The following CFAP299 variants were observed in gnomAD, a reference collection of about 807,000 sequenced individuals.
CFAP299 encodes the protein cilia and flagella associated protein 299, also known as cilia- and flagella-associated protein 299.
A neutral mutation model predicts 27.0 loss-of-function variants in CFAP299; 21 were observed. The observed-to-expected ratio is 0.78, with a 90% CI of 0.55 to 1.12. The LOEUF (loss-of-function observed/expected upper bound fraction) is 1.12, where lower values mean the gene tolerates loss of function less well. CFAP299 is among the 50% of genes most tolerant of loss of function. CFAP299 has a pLI of 0.00. For synonymous variants in CFAP299, 104 were observed against 98.1 expected, an observed-to-expected ratio of 1.06 and a Z score of -0.36; for missense variants, 310 against 276.6, an observed-to-expected ratio of 1.12 and a Z score of -0.86.
intron 3 of CFAP299, among the ~76,000 whole-genome samples, chr4:80,665,443 G>C (rs950982138): frequency 6.6e-6 from 1 of 151,600 alleles, no homozygotes; most frequent in Non-Finnish European, 1.5e-5. Context: ...CTTTTCATTA[G>C]TTTTCACTTT....
chr4:80,466,602 C>G (rs543142806), intron 2 of CFAP299, among the ~76,000 whole-genome samples: 1 of 152,252 alleles, frequency 6.6e-6, no homozygotes, highest in South Asian at 2.1e-4. Context: ...GCCATGGAAG[C>G]CTTCCACACT....
chr4:80,664,951 G>A (rs1159598748), intron 3 of CFAP299, among the ~76,000 whole-genome samples: 1 of 152,132 alleles, frequency 6.6e-6, no homozygotes, highest in African/African-American at 2.4e-5. Flanking sequence ...TCATGGCATG[G>A]TCCCTCGCAG....
intron 1 of CFAP299, among the ~76,000 whole-genome samples, chr4:80,352,746 A>G (rs371476614): frequency 4.6e-5 from 7 of 152,074 alleles, no homozygotes; most frequent in African/African-American, 1.7e-4. Flanking sequence ...TAAAACTAGA[A>G]ATCAACTATA....
At chr4:80,693,455 C>A (rs1720875886) in intron 3 of CFAP299, among the ~76,000 whole-genome samples, 1 of 149,786 alleles carries the variant, frequency 6.7e-6, no homozygotes, top group Non-Finnish European at 1.5e-5. Flanking sequence ...GAACAAAAAA[C>A]CAAACACCGC....
At chr4:80,741,321 T>A (rs997988985) in intron 3 of CFAP299, among the ~76,000 whole-genome samples, 4 of 152,162 alleles carry the variant, frequency 2.6e-5, no homozygotes, top group Non-Finnish European at 5.9e-5. Context: ...TGATCTCAGC[T>A]CACTGCAACC....
At chr4:80,857,169 G>C (rs542478457) in intron 3 of CFAP299, among the ~76,000 whole-genome samples, 1 of 152,142 alleles carries the variant, frequency 6.6e-6, no homozygotes, top group African/African-American at 2.4e-5. Flanking sequence ...TGAAGCAATT[G>C]TGAATGGGAG....
chr4:80,684,027 A>G (rs1720014169), intron 3 of CFAP299, among the ~76,000 whole-genome samples: 1 of 152,176 alleles, frequency 6.6e-6, no homozygotes, highest in Admixed American at 6.5e-5. Context: ...TTAAAATTGT[A>G]CTTTCTAAAC....
intron 5 of CFAP299, among the ~76,000 whole-genome samples, chr4:80,950,048 A>T (rs917539820): frequency 1.3e-5 from 2 of 152,164 alleles, no homozygotes; most frequent in Admixed American, 6.5e-5. Flanking sequence ...CAACTACCAG[A>T]TCATTCAGGT....
At chr4:80,624,959 C>T (rs1378349180) in intron 3 of CFAP299, among the ~76,000 whole-genome samples, 2 of 151,972 alleles carry the variant, frequency 1.3e-5, no homozygotes, top group Non-Finnish European at 2.9e-5. Flanking sequence ...AGTTCATCAC[C>T]ACCAGACTTG....
intron 2 of CFAP299, among the ~76,000 whole-genome samples, chr4:80,465,778 G>C (rs966243866): frequency 5.3e-5 from 8 of 152,180 alleles, no homozygotes; most frequent in Non-Finnish European, 1.2e-4. Context: ...ACATTTTGGA[G>C]CTTGTCCTCA....
intron 2 of CFAP299, among the ~76,000 whole-genome samples, chr4:80,454,077 TA>T (rs965807911): frequency 1.3e-5 from 2 of 151,994 alleles, no homozygotes; most frequent in Admixed American, 1.3e-4. Flanking sequence ...ATAATGAAGA[TA>T]ATGTGAGGTG....
chr4:80,583,019 T>C (rs2109871992), intron 2 of CFAP299, 74 bp from the exon 3 acceptor site: 2 of 858,708 alleles, frequency 2.3e-6, no homozygotes, highest in South Asian at 4.3e-5. Flanking sequence ...TAAAGAAGCA[T>C]TGTTGTTGGC....
chr4:80,678,087 A>G (rs973939753), intron 3 of CFAP299, among the ~76,000 whole-genome samples: 8 of 151,928 alleles, frequency 5.3e-5, no homozygotes, highest in African/African-American at 1.9e-4. Flanking sequence ...ACATTAGTAG[A>G]TGGTCTATTT....
At chr4:80,705,175 C>A (rs1291008125) in intron 3 of CFAP299, among the ~76,000 whole-genome samples, 1 of 151,716 alleles carries the variant, frequency 6.6e-6, no homozygotes, top group African/African-American at 2.4e-5. Flanking sequence ...ATAAATTCAC[C>A]CCCAACATTT....
At chr4:80,837,308 T>G (rs1730616592) in intron 3 of CFAP299, among the ~76,000 whole-genome samples, 1 of 152,216 alleles carries the variant, frequency 6.6e-6, no homozygotes. Flanking sequence ...AATTATGCTT[T>G]AAGTTCTGGG....
At chr4:80,799,693 TATATAAAA>T (rs1728209241) in intron 3 of CFAP299, among the ~76,000 whole-genome samples, 1 of 55,508 alleles carries the variant, frequency 1.8e-5, no homozygotes. Flanking sequence ...AAATATATAA[TATATAAAA>T]TATATATTTT....
chr4:80,388,724 C>A (rs1725167463), intron 2 of CFAP299: 1 of 647,336 alleles, frequency 1.5e-6, no homozygotes, highest in Non-Finnish European at 2.7e-6. Flanking sequence ...CATCTTGGAG[C>A]CCCTATATTT....
intron 3 of CFAP299, among the ~76,000 whole-genome samples, chr4:80,747,113 A>G (rs1178339282): frequency 6.6e-6 from 1 of 152,026 alleles, no homozygotes; most frequent in Non-Finnish European, 1.5e-5. Flanking sequence ...TTTTGTAAGA[A>G]GTCTTGATTT....
At chr4:80,495,049 T>A (rs1288389468) in intron 2 of CFAP299, among the ~76,000 whole-genome samples, 1 of 152,236 alleles carries the variant, frequency 6.6e-6, no homozygotes, top group Non-Finnish European at 1.5e-5. Context: ...TATATAACCA[T>A]TTCACTACAT....
Sources: gnomAD v4.1 joint callset for allele counts (sites outside exome capture counted in the v4.1 genomes callset) on GRCh38, gnomAD v4.1.1 for gene constraint, MANE v1.5 for transcripts, NCBI Gene and HGNC (gene_info 2026-07-23, HGNC 2026-07-21) for gene names.